ERGIC2: variants seen among roughly 807,000 people sequenced by gnomAD.
ERGIC2 encodes the protein ERGIC and golgi 2, also known as endoplasmic reticulum-Golgi intermediate compartment protein 2.
A neutral mutation model predicts 52.5 loss-of-function variants in ERGIC2; 31 were observed. That is an observed-to-expected ratio of 0.59 (90% CI 0.44 to 0.80). ERGIC2 has a LOEUF of 0.80. ERGIC2 is among the 30% of genes least tolerant of loss of function. The pLI, the probability that ERGIC2 is intolerant of heterozygous loss-of-function variation, is 0.00. For missense variants in ERGIC2, 395 were observed against 455.2 expected (o/e 0.87, Z 1.20); for synonymous variants, 129 against 140.6 (o/e 0.92, Z 0.58).
rs1281344463 is a variant in ERGIC2 at position 29,349,154 on chromosome 12, C to G, written c.652G>C (p.Asp218His). ...ACAAGCTCTCCAAAAGACAAATGAT[C>G]TATTCTATGAGAAAAATTGTAAGCT... ...HESYNFSHRI[D>H]HLSFGELVPA... The change falls in exon 10 of 14, where the codon GAT becomes CAT. Residue 218 changes from aspartate (D) to histidine (H), a missense_variant. Coordinates refer to ENST00000360150, the MANE Select transcript of ERGIC2 (RefSeq NM_016570.3). 1 of 1,564,888 alleles carries G rather than the reference C, an allele frequency of 6.4e-7. No individual in the cohort carries two copies. The highest frequency in any genetic ancestry group is 8.6e-7 in the Non-Finnish European group (1 of 1,157,646).
intron 6 of ERGIC2, among the ~76,000 whole-genome samples, chr12:29,360,372 T>C (rs1303712006): frequency 4.0e-5 from 6 of 151,142 alleles, no homozygotes; most frequent in South Asian, 2.1e-4. Context: ...ATCCATAAAA[T>C]AGACCATTAT....
At chr12:29,366,971 G>A in intron 4 of ERGIC2, 24 bp from the exon 5 acceptor site, 1 of 1,436,058 alleles carries the variant, frequency 7.0e-7, no homozygotes, top group Non-Finnish European at 9.4e-7. Context: ...AGAATTAGAA[G>A]TTTTACATTC....
chr12:29,367,533 T>C (rs117512000), intron 4 of ERGIC2, among the ~76,000 whole-genome samples: 1,975 of 151,838 alleles, frequency 0.013, 29 homozygotes, highest in Admixed American at 0.022. Context: ...AGGAAAAACA[T>C]ATTGAAAAGA....
rs1049316558 is a variant in ERGIC2, at chr12:29,346,923, T to C, written c.728-1383A>G. Among the ~76,000 whole-genome samples, 5 of 152,190 alleles carry C rather than the reference T, an allele frequency of 3.3e-5. No individual in the cohort carries two copies. The South Asian group carries it at 6.2e-4, about 19-fold the overall frequency. On this transcript the variant is annotated intron_variant, in intron 10 of 13. Transcript: ENST00000360150. ...AAGCAAGTAAATGTTTTTATTATCC[T>C]TTTGTTAGAGATGAAGCAACTCAAG...
At chr12:29,359,961 C>T (rs1940260256) in intron 6 of ERGIC2, among the ~76,000 whole-genome samples, 1 of 151,622 alleles carries the variant, frequency 6.6e-6, no homozygotes, top group Non-Finnish European at 1.5e-5. Flanking sequence ...GGCACATAGG[C>T]AAACATTTTC....
rs761475181 is a variant in ERGIC2, at chr12:29,371,748, C to T, written c.-37-78G>A. On this transcript the variant is annotated intron_variant, in intron 1 of 13. Transcript: ENST00000360150. ...GTTTCTTTAAATTTAGGATAACTGACAAATGTCCTTAAAACAACTTAACAT... is the reference window on the plus strand; with the variant it reads ...GTTTCTTTAAATTTAGGATAACTGATAAATGTCCTTAAAACAACTTAACAT... The T allele has an allele frequency of 4.3e-4, 284 of 661,170 alleles. 2 individuals are homozygous for T. Among genetic ancestry groups the T allele is most frequent in the Admixed American group, 1.5e-4 (5 of 32,854 alleles). The allele number at this position is 661,170 out of a possible 1,614,324, so 41.0% of individuals were successfully genotyped here. A position where few individuals can be genotyped will look rare whatever the true frequency, so the allele number is the denominator to read the frequency against.
chr12:29,376,970 T>A (rs1363748053), intron 1 of ERGIC2, among the ~76,000 whole-genome samples: 1 of 152,202 alleles, frequency 6.6e-6, no homozygotes, highest in Non-Finnish European at 1.5e-5. Context: ...AAAACAGATA[T>A]AACAGAGGTT....
chr12:29,356,286 G>C, intron 8 of ERGIC2, 96 bp downstream of exon 8: 1 of 712,700 alleles, frequency 1.4e-6, no homozygotes, highest in Non-Finnish European at 2.5e-6. Context: ...GCCTCCCAAA[G>C]TGCTGGGATT....
At position 29,343,278 on chromosome 12, in the gene ERGIC2, C is replaced by T. The variant is rs766499932; in HGVS notation, c.830G>A (p.Arg277His). ...GCTGCCTGCAGCATGGTTAATGATA[C>T]GTTCCTAAAAGGGAGGCAAAAGGAA... Reference protein sequence around the residue: ...THQFSVTERERIINHAAGSHG... With the variant: ...THQFSVTEREHIINHAAGSHG... Residue 277 changes from arginine to histidine, a missense_variant, in exon 12 of 14, where the codon CGT becomes CAT. Coordinates refer to ENST00000360150, the MANE Select transcript of ERGIC2 (RefSeq NM_016570.3). 40 of 1,576,550 alleles carry T rather than the reference C, an allele frequency of 2.5e-5. No homozygotes were observed. Among genetic ancestry groups the T allele is most frequent in the Middle Eastern group, 3.4e-4 (2 of 5,914 alleles).
chr12:29,371,430 G>T, intron 2 of ERGIC2, 98 bp downstream of exon 2: 1 of 752,478 alleles, frequency 1.3e-6, no homozygotes, highest in South Asian at 2.1e-5. Context: ...AGAATTCATT[G>T]ATAAATTCTT....
intron 3 of ERGIC2, 126 bp downstream of exon 3, chr12:29,369,988 A>G (rs1384330255): frequency 2.4e-6 from 2 of 831,264 alleles, no homozygotes; most frequent in Non-Finnish European, 3.2e-6. Context: ...AGAATTTTTC[A>G]GGACTATTTC....
At chr12:29,379,156 C>G (rs1267374090) in intron 1 of ERGIC2, among the ~76,000 whole-genome samples, 1 of 152,004 alleles carries the variant, frequency 6.6e-6, no homozygotes, top group Non-Finnish European at 1.5e-5. Context: ...AAGTATAATC[C>G]TCCTCAAAGA....
chr12:29,351,783 T>G (rs193042211), intron 8 of ERGIC2, among the ~76,000 whole-genome samples: 2 of 152,334 alleles, frequency 1.3e-5, no homozygotes, highest in Admixed American at 1.3e-4. Context: ...ACTTAAAGAT[T>G]ACAGCTTCAT....
chr12:29,341,972 G>A, intron 12 of ERGIC2, 156 bp from the exon 13 acceptor site: 1 of 493,728 alleles, frequency 2.0e-6, no homozygotes, highest in Non-Finnish European at 3.7e-6. Context: ...AAAACAAATG[G>A]ATTTCTTTTC....
intron 6 of ERGIC2, 58 bp downstream of exon 6, chr12:29,361,587 C>A: frequency 7.5e-7 from 1 of 1,338,004 alleles, no homozygotes. Context: ...AAATAGTTTA[C>A]AATAGACAAA....
intron 5 of ERGIC2, among the ~76,000 whole-genome samples, chr12:29,364,465 G>A (rs1005457621): frequency 2.0e-5 from 3 of 151,900 alleles, no homozygotes; most frequent in Admixed American, 6.6e-5. Context: ...CTCAAGATGG[G>A]TAAAGATTTA....
At chr12:29,352,282 CTT>C (rs1050073664) in intron 8 of ERGIC2, among the ~76,000 whole-genome samples, 2 of 152,120 alleles carry the variant, frequency 1.3e-5, no homozygotes, top group African/African-American at 4.8e-5. Flanking sequence ...GCCAATAAAA[CTT>C]TATTTTTGGA....
At chr12:29,358,932 C>A (rs1483577710) in intron 6 of ERGIC2, among the ~76,000 whole-genome samples, 1 of 151,926 alleles carries the variant, frequency 6.6e-6, no homozygotes, top group African/African-American at 2.4e-5. Context: ...GAAATCTCGA[C>A]ATAAAAAGTA....
chr12:29,376,456 T>C (rs748945913), intron 1 of ERGIC2, among the ~76,000 whole-genome samples: 5 of 152,166 alleles, frequency 3.3e-5, no homozygotes, highest in East Asian at 1.9e-4. Context: ...ATTTATCCTA[T>C]AGCATTCATT....
Sources: allele counts gnomAD v4.1 joint callset (sites outside exome capture counted in the v4.1 genomes callset), GRCh38; gene constraint gnomAD v4.1.1; transcripts MANE v1.5; gene names NCBI Gene and HGNC (gene_info 2026-07-23, HGNC 2026-07-21).